The following DNAJC1 variants were observed in gnomAD, a reference collection of about 807,000 sequenced individuals.
DNAJC1 encodes the protein DnaJ heat shock protein family (Hsp40) member C1, also known as dnaJ homolog subfamily C member 1.
Under a neutral mutation model 76.6 loss-of-function variants are expected in DNAJC1, and 58 were observed. That is an observed-to-expected ratio of 0.76 (90% CI 0.61 to 0.94). The LOEUF is 0.94. Among genes scored for constraint, DNAJC1 ranks in the 40% least tolerant of loss-of-function variants. DNAJC1 has a pLI of 0.00. For synonymous variants in DNAJC1, 258 were observed against 267.9 expected, an observed-to-expected ratio of 0.96 and a Z score of 0.36; for missense variants, 689 against 677.3, an observed-to-expected ratio of 1.02 and a Z score of -0.19.
At position 21,760,610 on chromosome 10, in the gene DNAJC1, T is replaced by G. The variant is rs544034444; in HGVS notation, c.1148-992A>C. 2.6e-5 allele frequency among the ~76,000 whole-genome samples: 4 copies of G among 152,392 alleles called. No individual in the cohort carries two copies. In the South Asian group the frequency reaches 8.3e-4, roughly 32 times the overall value. On this transcript the variant is annotated intron_variant, in intron 10 of 11. Coordinates refer to ENST00000376980, the MANE Select transcript of DNAJC1 (RefSeq NM_022365.4). ...CCCAGAGCTGTCCAATGAAACATGC[T>G]GTGATACAATTATATAAACCACTTG...
chr10:21,772,636 A>C (rs1589974408), intron 9 of DNAJC1, among the ~76,000 whole-genome samples: 2 of 151,662 alleles, frequency 1.3e-5, no homozygotes, highest in African/African-American at 4.8e-5. Context: ...TTCTTGGTTA[A>C]TTACTTACTT....
rs186660662 is a variant in DNAJC1 at position 21,992,233 on chromosome 10, T to A, written c.222+10980A>T. 3.7e-3 allele frequency among the ~76,000 whole-genome samples: 566 copies of A among 152,220 alleles called. 4 individuals carry two copies. The highest frequency in any genetic ancestry group is 0.013 in the African/African-American group (534 of 41,542). ...GGCTGAGACAGGAGAATTGCTTGAA[T>A]CCGGGAGGCGGAGGTTGCAGTGATC... On this transcript the variant is annotated intron_variant, in intron 1 of 11. Coordinates refer to ENST00000376980, the MANE Select transcript of DNAJC1 (RefSeq NM_022365.4).
intron 5 of DNAJC1, among the ~76,000 whole-genome samples, 159 bp from the exon 6 acceptor site, chr10:21,919,031 C>G (rs1256337432): frequency 1.3e-5 from 2 of 152,016 alleles, no homozygotes; most frequent in Admixed American, 1.3e-4. Context: ...TTATAACTGA[C>G]TTACTCCATC....
intron 9 of DNAJC1, among the ~76,000 whole-genome samples, chr10:21,793,335 A>G (rs1016959992): frequency 1.3e-5 from 2 of 152,152 alleles, no homozygotes; most frequent in South Asian, 2.1e-4. Context: ...AAAAGCATCT[A>G]TGAAAAACCT....
At chr10:21,859,232 A>G (rs1212187603) in intron 8 of DNAJC1, among the ~76,000 whole-genome samples, 1 of 152,158 alleles carries the variant, frequency 6.6e-6, no homozygotes, top group African/African-American at 2.4e-5. Context: ...TTAATGCCTA[A>G]CTTACTAATG....
intron 1 of DNAJC1, among the ~76,000 whole-genome samples, chr10:21,960,192 C>G (rs897932426): frequency 1.3e-5 from 2 of 152,256 alleles, no homozygotes; most frequent in East Asian, 1.9e-4. Context: ...TTACTCAGAT[C>G]AAAAGCCAAA....
intron 6 of DNAJC1, among the ~76,000 whole-genome samples, chr10:21,918,229 AT>A (rs1384937327): frequency 6.6e-6 from 1 of 151,956 alleles, no homozygotes; most frequent in African/African-American, 2.4e-5. Context: ...TATGATACAT[AT>A]CCACATTTTA....
At chr10:21,921,377 A>T (rs1476667419) in intron 3 of DNAJC1, among the ~76,000 whole-genome samples, 14 of 152,046 alleles carry the variant, frequency 9.2e-5, no homozygotes, top group Non-Finnish European at 8.8e-5. Context: ...ATTACATATT[A>T]ATTGAATCAA....
chr10:21,918,888 A>C lies in DNAJC1; in HGVS notation c.636-16T>G. 6.4e-7 allele frequency: 1 copy of C among 1,569,280 alleles called. No individual in the cohort carries two copies. The highest frequency in any genetic ancestry group is 8.8e-7 in the Non-Finnish European group (1 of 1,139,490). On this transcript the variant is annotated splice_polypyrimidine_tract_variant and intron_variant, in intron 5 of 11. Coordinates refer to ENST00000376980, the MANE Select transcript of DNAJC1 (RefSeq NM_022365.4). ...CATCAGCAATCTAAAGGGAGGGAGA[A>C]AAAAGAACACCATACAACATATGAG... is the stretch of plus-strand genomic sequence containing the variant.
intron 8 of DNAJC1, among the ~76,000 whole-genome samples, chr10:21,827,540 G>A (rs1479220004): frequency 6.6e-6 from 1 of 152,194 alleles, no homozygotes; most frequent in Admixed American, 6.5e-5. Flanking sequence ...GGGAGAATCT[G>A]TTCCACAACT....
chr10:21,939,671 A>G (rs1214497343), intron 1 of DNAJC1, among the ~76,000 whole-genome samples: 1 of 152,170 alleles, frequency 6.6e-6, no homozygotes, highest in African/African-American at 2.4e-5. Flanking sequence ...AGGCTATACC[A>G]TCTAGGTTTG....
chr10:21,940,817 A>T (rs1837394572), intron 1 of DNAJC1, among the ~76,000 whole-genome samples: 1 of 152,124 alleles, frequency 6.6e-6, no homozygotes, highest in Non-Finnish European at 1.5e-5. Context: ...GAACAAAATC[A>T]TCATTTCTAT....
chr10:21,856,956 G>A (rs1054451822), intron 8 of DNAJC1, among the ~76,000 whole-genome samples: 11 of 152,008 alleles, frequency 7.2e-5, no homozygotes, highest in South Asian at 6.2e-4. Context: ...GGCTGGTCTC[G>A]AACTCCTGAT....
At chr10:21,784,655 G>A (rs569674512) in intron 9 of DNAJC1, among the ~76,000 whole-genome samples, 2 of 152,280 alleles carry the variant, frequency 1.3e-5, no homozygotes, top group Non-Finnish European at 2.9e-5. Flanking sequence ...CAACCCAAAT[G>A]TCCATCAATG....
chr10:21,780,351 T>C (rs1019158622), intron 9 of DNAJC1, among the ~76,000 whole-genome samples: 8 of 152,172 alleles, frequency 5.3e-5, no homozygotes, highest in Admixed American at 6.5e-5. Flanking sequence ...GAGAGAAAGG[T>C]TGGGTTACCC....
chr10:21,766,372 C>T (rs371382647), intron 9 of DNAJC1, 63 bp from the exon 10 acceptor site: 34 of 1,231,250 alleles, frequency 2.8e-5, no homozygotes, highest in South Asian at 3.6e-5. Flanking sequence ...CTGAGTGAAA[C>T]GATTCCATGT....
chr10:21,820,030 C>G (rs1156717520), intron 8 of DNAJC1, among the ~76,000 whole-genome samples: 2 of 152,168 alleles, frequency 1.3e-5, no homozygotes, highest in South Asian at 4.1e-4. Flanking sequence ...AAGTCATGCA[C>G]AATTTTGAAG....
At chr10:21,903,988 A>C (rs1014549762) in intron 7 of DNAJC1, among the ~76,000 whole-genome samples, 1 of 152,252 alleles carries the variant, frequency 6.6e-6, no homozygotes, top group Non-Finnish European at 1.5e-5. Flanking sequence ...ACCTTTTTAC[A>C]TAATATGTTC....
At chr10:21,841,267 C>A (rs575307267) in intron 8 of DNAJC1, among the ~76,000 whole-genome samples, 1 of 152,214 alleles carries the variant, frequency 6.6e-6, no homozygotes, top group East Asian at 1.9e-4. Flanking sequence ...TCTAATTAAA[C>A]CTAAGAGCTT....
Sources: allele counts gnomAD v4.1 joint callset (sites outside exome capture counted in the v4.1 genomes callset), GRCh38; gene constraint gnomAD v4.1.1; transcripts MANE v1.5; gene names NCBI Gene and HGNC (gene_info 2026-07-23, HGNC 2026-07-21).